SORCS2: variants seen among roughly 807,000 people sequenced by gnomAD.
SORCS2 encodes the protein VPS10 domain-containing receptor SorCS2.
SORCS2 carries 100 observed loss-of-function variants against 141.6 expected under a neutral mutation model. The ratio of observed to expected loss-of-function variants is 0.71; its 90% CI spans 0.60 to 0.83. The LOEUF (loss-of-function observed/expected upper bound fraction) is 0.83. Ranked by LOEUF, SORCS2 falls within the 40% of genes least tolerant of loss-of-function variation. SORCS2 has a pLI of 0.00. For missense variants in SORCS2, 1,646 were observed against 1,560.2 expected (o/e 1.05, Z -0.93); for synonymous variants, 789 against 676.9 (o/e 1.17, Z -2.57).
In SORCS2 at chr4:7,658,139, GTGAC is replaced by G. The variant is rs370104244; in HGVS notation, c.888-3357_888-3354del. On this transcript the variant is annotated intron_variant, in intron 5 of 26. Coordinates refer to ENST00000507866, the MANE Select transcript of SORCS2 (RefSeq NM_020777.3). ...AGTCGGTGATTGAGTGACTGAGTGA[GTGAC>G]TGAGTGAGTGACTGAGTGGGTGAGT... Among the ~76,000 whole-genome samples, 53 of 152,044 alleles carry G rather than the reference GTGAC, an allele frequency of 3.5e-4. 1 individual carries two copies. Among genetic ancestry groups the G allele is most frequent in the African/African-American group, 1.2e-3 (51 of 41,468 alleles).
chr4:7,589,456 G>T (rs1325571858), intron 3 of SORCS2, among the ~76,000 whole-genome samples: 1 of 152,092 alleles, frequency 6.6e-6, no homozygotes, highest in Non-Finnish European at 1.5e-5. Flanking sequence ...AGGTTGGTGT[G>T]CAGTGGCACG....
chr4:7,383,649 C>T lies in SORCS2; in HGVS notation c.481-12639C>T, dbSNP rs573870955. On this transcript the variant is annotated intron_variant, in intron 1 of 26. Coordinates refer to ENST00000507866, the MANE Select transcript of SORCS2 (RefSeq NM_020777.3). ...AGCACTAACAACATCACAGCTTATC[C>T]GATTACCTTTTATTGCCATAAATAG... Among the ~76,000 whole-genome samples the T allele has an allele frequency of 3.1e-3, 470 of 152,280 alleles. 3 individuals carry two copies. Among genetic ancestry groups the T allele is most frequent in the Middle Eastern group, 0.017 (5 of 294 alleles).
intron 3 of SORCS2, among the ~76,000 whole-genome samples, chr4:7,579,949 G>C (rs1716035025): frequency 6.6e-6 from 1 of 152,184 alleles, no homozygotes; most frequent in Admixed American, 6.5e-5. Flanking sequence ...AGTGGAGTGA[G>C]TCCAGGCAGA....
chr4:7,457,018 T>C (rs1336180350), intron 2 of SORCS2, among the ~76,000 whole-genome samples: 5 of 152,138 alleles, frequency 3.3e-5, no homozygotes, highest in Non-Finnish European at 7.4e-5. Flanking sequence ...ACACTGGGCA[T>C]GGTGCTGGCA....
intron 3 of SORCS2, among the ~76,000 whole-genome samples, chr4:7,621,493 G>A (rs747931484): frequency 1.3e-5 from 2 of 151,394 alleles, no homozygotes; most frequent in Non-Finnish European, 2.9e-5. Context: ...GTTTATATGT[G>A]TGTCTATGTG....
chr4:7,195,370 C>T (rs998236574), intron 1 of SORCS2, among the ~76,000 whole-genome samples: 3 of 152,258 alleles, frequency 2.0e-5, no homozygotes, highest in East Asian at 1.9e-4. Context: ...AGCAAACACT[C>T]GGGGAGTAGA....
intron 1 of SORCS2, among the ~76,000 whole-genome samples, chr4:7,324,585 A>T (rs1719118594): frequency 6.6e-6 from 1 of 152,216 alleles, no homozygotes. Flanking sequence ...AGTGAAAAGC[A>T]GGGGAGAGAC....
At chr4:7,277,052 G>GGAC (rs1336520378) in intron 1 of SORCS2, among the ~76,000 whole-genome samples, 3 of 149,696 alleles carry the variant, frequency 2.0e-5, no homozygotes, top group African/African-American at 7.4e-5. Flanking sequence ...TCCAGCCCCA[G>GGAC]GACAGGAGAA....
At chr4:7,378,558 G>T (rs777430670) in intron 1 of SORCS2, among the ~76,000 whole-genome samples, 7 of 152,132 alleles carry the variant, frequency 4.6e-5, no homozygotes, top group African/African-American at 1.4e-4. Flanking sequence ...CACCTATCAC[G>T]AGAATGGCAT....
At chr4:7,531,353 T>A in intron 2 of SORCS2, among the ~76,000 whole-genome samples, 177 bp from the exon 3 acceptor site, 1 of 152,152 alleles carries the variant, frequency 6.6e-6, no homozygotes, top group East Asian at 1.9e-4. Flanking sequence ...GAGAGCCCAG[T>A]CTCCTCTCCT....
intron 1 of SORCS2, among the ~76,000 whole-genome samples, chr4:7,264,867 T>C (rs1714615902): frequency 6.6e-6 from 1 of 152,222 alleles, no homozygotes; most frequent in Non-Finnish European, 1.5e-5. Flanking sequence ...CCCGGCGATG[T>C]CCAGTCCTGC....
chr4:7,355,424 G>T (rs1175904187), intron 1 of SORCS2, among the ~76,000 whole-genome samples: 1 of 152,160 alleles, frequency 6.6e-6, no homozygotes, highest in African/African-American at 2.4e-5. Context: ...TCCCCCCAAA[G>T]TTAATGGCTT....
In SORCS2 at chr4:7,522,412, G is replaced by A. The variant is rs138229297; in HGVS notation, c.549-9118G>A. On this transcript the variant is annotated intron_variant, in intron 2 of 26. Transcript: ENST00000507866. ...TTGCCTTCCATGTTTCTATTTGCCC[G>A]TTTTTAGACTCTGGTTTTTTATTTT... 3.0e-3 allele frequency among the ~76,000 whole-genome samples: 452 copies of A among 152,310 alleles called. 1 individual carries two copies. The highest frequency in any genetic ancestry group is 4.9e-3 in the Non-Finnish European group (334 of 68,018).
At chr4:7,393,453 GA>G (rs1300578629) in intron 1 of SORCS2, among the ~76,000 whole-genome samples, 1 of 152,232 alleles carries the variant, frequency 6.6e-6, no homozygotes, top group African/African-American at 2.4e-5. Flanking sequence ...ACTTTTAATG[GA>G]AGTTTCTTCT....
chr4:7,292,192 A>G (rs1482541672), intron 1 of SORCS2, among the ~76,000 whole-genome samples: 1 of 151,212 alleles, frequency 6.6e-6, no homozygotes, highest in East Asian at 1.9e-4. Flanking sequence ...CACCATTGAC[A>G]GTCTGTTCAC....
At chr4:7,696,588 G>A (rs557600118) in intron 11 of SORCS2, among the ~76,000 whole-genome samples, 20 of 152,200 alleles carry the variant, frequency 1.3e-4, no homozygotes, top group Non-Finnish European at 2.6e-4. Flanking sequence ...CCTCCGAGTA[G>A]GCATCAAGGC....
chr4:7,657,008 T>G (rs563880018), intron 5 of SORCS2, among the ~76,000 whole-genome samples: 3 of 152,354 alleles, frequency 2.0e-5, no homozygotes, highest in East Asian at 3.9e-4. Context: ...AGAAGTCCTG[T>G]GTGTCAGGCT....
At chr4:7,678,738 T>C (rs112453564) in intron 9 of SORCS2, among the ~76,000 whole-genome samples, 1,948 of 150,222 alleles carry the variant, frequency 0.013, 47 homozygotes, top group African/African-American at 0.045. Flanking sequence ...TCCCAAGGGA[T>C]GTCCCTTCTC....
chr4:7,594,330 G>A lies in SORCS2; in HGVS notation c.649-43998G>A, dbSNP rs1191619914. Among the ~76,000 whole-genome samples, 5 of 152,342 alleles carry A rather than the reference G, an allele frequency of 3.3e-5. 1 individual carries two copies. The highest frequency in any genetic ancestry group is 3.3e-4 in the Admixed American group (5 of 15,306). Reference sequence around the variant, plus strand: ...ACAGTGTCTGCAAGTGGCCTGGAGTGGGAAATAACGGGAATGCAACTTTTG... The same window carrying A: ...ACAGTGTCTGCAAGTGGCCTGGAGTAGGAAATAACGGGAATGCAACTTTTG... On this transcript the variant is annotated intron_variant, in intron 3 of 26. Coordinates refer to ENST00000507866, the MANE Select transcript of SORCS2 (RefSeq NM_020777.3).
Sources: gnomAD v4.1 joint callset for allele counts (sites outside exome capture counted in the v4.1 genomes callset) on GRCh38, gnomAD v4.1.1 for gene constraint, MANE v1.5 for transcripts, NCBI Gene and HGNC (gene_info 2026-07-23, HGNC 2026-07-21) for gene names.